The following FGD4 variants were observed in gnomAD, a reference collection of about 807,000 sequenced individuals.
The protein encoded by FGD4 is FYVE, RhoGEF and PH domain containing 4, also known as FYVE, RhoGEF and PH domain-containing protein 4.
In FGD4, 42 loss-of-function variants were observed where a neutral mutation model predicts 102.0. The ratio of observed to expected loss-of-function variants is 0.41; its 90% confidence interval spans 0.32 to 0.53. The LOEUF is 0.53. FGD4 is among the 20% of genes least tolerant of loss of function. FGD4 has a pLI of 0.21. For missense variants in FGD4, 902 were observed against 1,078.2 expected, an observed-to-expected ratio of 0.84 and a Z score of 2.29; for synonymous variants, 380 against 375.7, an observed-to-expected ratio of 1.01 and a Z score of -0.13.
intron 15 of FGD4, chr12:32,637,800 G>A (rs1012997347): frequency 1.3e-5 from 2 of 151,932 alleles, no homozygotes; most frequent in African/African-American, 2.4e-5. Flanking sequence ...GAGAACTCAC[G>A]ATCACGAGAA....
rs1950617596 is a variant in FGD4, at chr12:32,633,604, A to G, written c.2228A>G (p.Lys743Arg). The G allele has an allele frequency of 1.9e-6, 3 of 1,613,968 alleles. No individual in the cohort carries two copies. Among genetic ancestry groups the G allele is most frequent in the South Asian group, 1.1e-5 (1 of 91,072 alleles). The change falls in exon 15 of 17, where the codon AAA (lysine) becomes AGA (arginine). Residue 743 changes from lysine to arginine, a missense_variant. Around this residue, in one of 2 missense-constraint regions of FGD4, gnomAD observed 459 missense variants for 619.0 expected, o/e 0.74. Transcript: ENST00000534526. ...YKAQLEYDGG[K>R]LSKVCKDCYQ... ...GCTCAACTTGAATATGATGGTGGTA[A>G]ATTGAGCAAAGTTTGTAAAGACTGT...
At chr12:32,420,205 C>T (rs909142695) in intron 1 of FGD4, among the ~76,000 whole-genome samples, 2 of 152,082 alleles carry the variant, frequency 1.3e-5, no homozygotes, top group African/African-American at 4.8e-5. Context: ...GCCAAAGTGC[C>T]GTATTTTGGG....
rs1943963845 is a variant in FGD4 at position 32,554,840 on chromosome 12, G to A, written c.167-9297G>A. On this transcript the variant is annotated intron_variant, in intron 1 of 16. Transcript: ENST00000534526. The stretch of plus-strand genomic sequence containing the variant: ...CTGTTGGAGGAATAGCAAGGAGCCA[G>A]TGTGCCTGGAATGGAATGCCCAAGG... 5.2e-5 allele frequency among the ~76,000 whole-genome samples: 8 copies of A among 152,390 alleles called. No homozygotes were observed. The South Asian group carries it at 1.7e-3, about 32-fold the overall frequency.
rs767881787 is a variant in FGD4 at position 32,582,261 on chromosome 12, A to C, written c.805A>C (p.Arg269=). ...TGATACGCACATAGTGAATGGAGAA[A>C]GAGATGAAACTGCCACAGCTCCTGC... ...LLDTHIVNGE[R]DETATAPASP... is the part of the protein sequence containing the mutation. Residue 269 remains arginine (R), a synonymous_variant, in exon 4 of 17, where the codon AGA becomes CGA. Transcript: ENST00000534526. 2.5e-6 allele frequency: 4 copies of C among 1,614,250 alleles called. No homozygotes were observed. The highest frequency in any genetic ancestry group is 3.4e-6 in the Non-Finnish European group (4 of 1,180,042).
chr12:32,592,613 C>T (rs1947575984), intron 4 of FGD4, among the ~76,000 whole-genome samples: 1 of 152,066 alleles, frequency 6.6e-6, no homozygotes, highest in African/African-American at 2.4e-5. Context: ...AAATATCAGG[C>T]TATAGCCCCA....
intron 1 of FGD4, among the ~76,000 whole-genome samples, chr12:32,441,597 G>C (rs1230807686): frequency 1.3e-5 from 2 of 151,846 alleles, no homozygotes; most frequent in African/African-American, 4.8e-5. Flanking sequence ...CTCTTTTGGA[G>C]CTGCAAGCTG....
Position 32,470,840 on chromosome 12 carries a change from C to T in FGD4, c.166+70881C>T, listed in dbSNP as rs1943398899. The stretch of plus-strand genomic sequence containing the variant: ...ACTTCCACATTCTCTTGTGAATTTA[C>T]TTGATACACAGGGCTTTGCCTTAGA... On this transcript the variant is annotated intron_variant, in intron 1 of 16. Transcript: ENST00000534526. 1.3e-5 allele frequency among the ~76,000 whole-genome samples: 2 copies of T among 152,140 alleles called. 1 individual carries two copies. The highest frequency in any genetic ancestry group is 2.9e-5 in the Non-Finnish European group (2 of 68,044).
At chr12:32,548,204 C>T (rs1943378882) in intron 1 of FGD4, among the ~76,000 whole-genome samples, 3 of 152,042 alleles carry the variant, frequency 2.0e-5, no homozygotes, top group South Asian at 4.2e-4. Context: ...AGGGAGCATA[C>T]GCTAGTACCC....
chr12:32,561,069 G>GT (rs1565841408), intron 1 of FGD4, among the ~76,000 whole-genome samples: 1 of 91,998 alleles, frequency 1.1e-5, no homozygotes, highest in African/African-American at 3.9e-5. Flanking sequence ...TTCTTTGTTG[G>GT]GTTTTGTTTT....
At chr12:32,539,796 T>C (rs1796353416) in intron 1 of FGD4, among the ~76,000 whole-genome samples, 1 of 152,212 alleles carries the variant, frequency 6.6e-6, no homozygotes, top group Admixed American at 6.5e-5. Context: ...ATCTGAATAG[T>C]AATTATACAT....
In FGD4 at chr12:32,601,369, A is replaced by C. The variant is rs764833051; in HGVS notation, c.1193A>C (p.Asn398Thr). 1 of 1,614,172 alleles carries C rather than the reference A, an allele frequency of 6.2e-7. No homozygotes were observed. Among genetic ancestry groups the C allele is most frequent in the East Asian group, 2.2e-5 (1 of 44,868 alleles). Residue 398 changes from asparagine to threonine, a missense_variant, in exon 6 of 17, where the codon AAT becomes ACT. Asn to Thr is a moderately conservative substitution (Grantham distance 65, BLOSUM62 0). Coordinates refer to ENST00000534526, the MANE Select transcript of FGD4 (RefSeq NM_001370298.3). ...ATCTTTTCTAATATTTCATCAATAA[A>C]TGCCTTCCATAGTAAATTCCTCTTG... is the stretch of plus-strand genomic sequence containing the variant. ...NKIFSNISSINAFHSKFLLPE... is the reference protein window; with the variant it reads ...NKIFSNISSITAFHSKFLLPE...
rs1269529354 is a variant in FGD4 at position 32,570,453 on chromosome 12, A to T, written c.320-5813A>T. On this transcript the variant is annotated intron_variant, in intron 2 of 16. Coordinates refer to ENST00000534526, the MANE Select transcript of FGD4 (RefSeq NM_001370298.3). The stretch of plus-strand genomic sequence containing the variant: ...TATTTATTTATTTACTTATGTATTT[A>T]ATTTTTTTTTGAGGCAGGCTGTCTA... 3.3e-5 allele frequency among the ~76,000 whole-genome samples: 5 copies of T among 151,794 alleles called. No homozygotes were observed. The South Asian group carries it at 6.2e-4, about 19-fold the overall frequency.
In FGD4 at chr12:32,582,374, AAG is replaced by A. The variant is rs776647210; in HGVS notation, c.921_922del (p.Ala309ArgfsTer26). The A allele has an allele frequency of 6.2e-7, 1 of 1,614,094 alleles. No homozygotes were observed. The highest frequency in any genetic ancestry group is 8.5e-7 in the Non-Finnish European group (1 of 1,179,998). The part of the protein sequence containing the change: ...GIGPVLPLEE[R>X]GAETETKVQE... ...TAGGCCCAGTGCTCCCCCTAGAAGA[AAG>A]AGGGGCAGAAACAGAAACCAAGGTA... On this transcript the variant is annotated frameshift_variant, in exon 4 of 17. Transcript: ENST00000534526. LOFTEE classifies it high-confidence loss of function.
rs372525227 is a variant in FGD4 at position 32,473,951 on chromosome 12, G to C, written c.166+73992G>C. Reference sequence around the variant, plus strand: ...AAAATACAAAAACTTAGCCGAGCATGGTGGTGGGCGCCTGTAGTCCCAGCT... The same window carrying C: ...AAAATACAAAAACTTAGCCGAGCATCGTGGTGGGCGCCTGTAGTCCCAGCT... On this transcript the variant is annotated intron_variant, in intron 1 of 16. Transcript: ENST00000534526. Among the ~76,000 whole-genome samples the C allele has an allele frequency of 1.1e-4, 17 of 152,140 alleles. No individual in the cohort carries two copies. The East Asian group carries it at 2.7e-3, about 24-fold the overall frequency.
rs1421241875 is a variant in FGD4, at chr12:32,524,955, ATATCT to A, written c.167-39178_167-39174del. ...ATGAGGTGCTGTTGTTCAGTATGAA[ATATCT>A]TATGCATATACTAAGTTGTGTGTTT... is the stretch of plus-strand genomic sequence containing the variant. On this transcript the variant is annotated intron_variant, in intron 1 of 16. Transcript: ENST00000534526. Among the ~76,000 whole-genome samples the A allele has an allele frequency of 8.5e-5, 13 of 152,368 alleles. No homozygotes were observed. The East Asian group carries it at 2.1e-3, about 25-fold the overall frequency.
chr12:32,610,561 A>G (rs1481468815), intron 8 of FGD4, among the ~76,000 whole-genome samples: 3 of 152,202 alleles, frequency 2.0e-5, no homozygotes, highest in African/African-American at 7.2e-5. Flanking sequence ...GTGAGCCTAA[A>G]TCATCATGTA....
intron 1 of FGD4, among the ~76,000 whole-genome samples, chr12:32,546,057 G>C (rs1168849865): frequency 6.6e-6 from 1 of 152,060 alleles, no homozygotes; most frequent in East Asian, 1.9e-4. Context: ...AATATTGTTA[G>C]TTTCTCACAA....
intron 1 of FGD4, among the ~76,000 whole-genome samples, chr12:32,561,444 G>A (rs1323190505): frequency 6.6e-6 from 1 of 151,658 alleles, no homozygotes; most frequent in Non-Finnish European, 1.5e-5. Flanking sequence ...AATTTTTTGG[G>A]TTTTTTTTAC....
intron 1 of FGD4, among the ~76,000 whole-genome samples, chr12:32,479,314 GACTAAAGTGTAGTCATATA>G (rs1054704361): frequency 6.6e-6 from 1 of 151,990 alleles, no homozygotes; most frequent in Non-Finnish European, 1.5e-5. Flanking sequence ...TATTAAATAT[GACTAAAGTGTAGTCATATA>G]ACTAAAGTTT....
Sources: gnomAD v4.1 joint callset for allele counts (sites outside exome capture counted in the v4.1 genomes callset) on GRCh38, gnomAD v4.1.1 for gene constraint, gnomAD v4.1.1 regional missense constraint, MANE v1.5 for transcripts, NCBI Gene and HGNC (gene_info 2026-07-23, HGNC 2026-07-21) for gene names.